The following MECOM variants were observed in gnomAD, a reference collection of about 807,000 sequenced individuals.
The protein encoded by MECOM is histone-lysine N-methyltransferase MECOM.
Under a neutral mutation model 116.3 loss-of-function variants are expected in MECOM, and 13 were observed. That is an observed-to-expected ratio of 0.11 (90% CI 0.07 to 0.18). MECOM has a LOEUF of 0.18. Ranked by LOEUF, MECOM falls within the 10% of genes least tolerant of loss-of-function variation. The pLI is 1.00. For synonymous variants in MECOM, 528 were observed against 535.2 expected, an observed-to-expected ratio of 0.99 and a Z score of 0.19; for missense variants, 1,299 against 1,509.0, an observed-to-expected ratio of 0.86 and a Z score of 2.31.
intron 1 of MECOM, among the ~76,000 whole-genome samples, chr3:169,476,617 C>T (rs1323807594): frequency 1.3e-5 from 2 of 152,060 alleles, no homozygotes; most frequent in African/African-American, 4.8e-5. Flanking sequence ...ATAGAGGTGT[C>T]GTTAGTCACC....
At chr3:169,471,883 A>G (rs1053390428) in intron 1 of MECOM, among the ~76,000 whole-genome samples, 1 of 152,156 alleles carries the variant, frequency 6.6e-6, no homozygotes, top group Non-Finnish European at 1.5e-5. Context: ...TACTTTGATG[A>G]TGTGCATTTA....
At chr3:169,658,879 G>T (rs1775864138) in intron 1 of MECOM, among the ~76,000 whole-genome samples, 3 of 152,052 alleles carry the variant, frequency 2.0e-5, no homozygotes, top group African/African-American at 7.2e-5. Flanking sequence ...GGAGAGAGGG[G>T]GCCGAGCCGG....
At chr3:169,411,229 G>GA (rs145078504) in intron 1 of MECOM, among the ~76,000 whole-genome samples, 15,652 of 150,460 alleles carry the variant, frequency 0.1, 1,083 homozygotes, top group East Asian at 0.23. Flanking sequence ...ACTATTGCCA[G>GA]AAAAAAAAAT....
chr3:169,341,353 A>G (rs1054968679), intron 2 of MECOM, among the ~76,000 whole-genome samples: 3 of 151,162 alleles, frequency 2.0e-5, no homozygotes, highest in African/African-American at 7.3e-5. Context: ...AAAACAATTG[A>G]ACTCATGGAC....
chr3:169,587,955 T>C (rs1213834633), intron 1 of MECOM, among the ~76,000 whole-genome samples: 1 of 152,214 alleles, frequency 6.6e-6, no homozygotes, highest in Non-Finnish European at 1.5e-5. Context: ...TAGCCAGAAA[T>C]ATGCATAAAC....
intron 2 of MECOM, among the ~76,000 whole-genome samples, chr3:169,363,234 A>C (rs1383439778): frequency 6.6e-6 from 1 of 151,980 alleles, no homozygotes; most frequent in Non-Finnish European, 1.5e-5. Flanking sequence ...GCTACTAAAA[A>C]ATTTCTAAAC....
At chr3:169,423,506 C>A (rs891664864) in intron 1 of MECOM, among the ~76,000 whole-genome samples, 1 of 151,984 alleles carries the variant, frequency 6.6e-6, no homozygotes, top group Admixed American at 6.6e-5. Flanking sequence ...AGATATTTAA[C>A]CTCAGTGAAC....
chr3:169,128,115 C>A, intron 4 of MECOM, 55 bp from the exon 5 acceptor site: 1 of 1,530,172 alleles, frequency 6.5e-7, no homozygotes, highest in Non-Finnish European at 9.1e-7. Flanking sequence ...CCATCACAAA[C>A]CAGCCAATCT....
chr3:169,545,447 T>C (rs1760615116), intron 1 of MECOM, among the ~76,000 whole-genome samples: 1 of 152,170 alleles, frequency 6.6e-6, no homozygotes, highest in Non-Finnish European at 1.5e-5. Context: ...GGAAAGGATA[T>C]ATGCAAGCCC....
intron 2 of MECOM, among the ~76,000 whole-genome samples, chr3:169,253,683 T>A (rs1488104): frequency 0.092 from 13,951 of 152,044 alleles, 829 homozygotes; most frequent in East Asian, 0.33. Flanking sequence ...TGCAGAACAC[T>A]TTTTTCCCCA....
At chr3:169,432,854 A>T (rs1741866875) in intron 1 of MECOM, among the ~76,000 whole-genome samples, 1 of 152,224 alleles carries the variant, frequency 6.6e-6, no homozygotes, top group Non-Finnish European at 1.5e-5. Context: ...TTCTGTGCCA[A>T]GATTCTGCTC....
intron 2 of MECOM, among the ~76,000 whole-genome samples, chr3:169,307,444 T>A (rs1717928020): frequency 6.6e-6 from 1 of 152,130 alleles, no homozygotes; most frequent in Non-Finnish European, 1.5e-5. Flanking sequence ...TGTGGTGGCA[T>A]GTGCCTGTGG....
intron 1 of MECOM, among the ~76,000 whole-genome samples, chr3:169,382,879 A>AAAAAAAAAAAAAAAAAAG (rs1358767356): frequency 8.7e-5 from 12 of 138,550 alleles, no homozygotes; most frequent in East Asian, 2.4e-4. Context: ...AAAAATAAAA[A>AAAAAAAAAAAAAAAAAAG]AAGAAGGTAA....
intron 2 of MECOM, among the ~76,000 whole-genome samples, chr3:169,299,681 T>C (rs912416104): frequency 1.3e-5 from 2 of 152,166 alleles, no homozygotes; most frequent in Non-Finnish European, 2.9e-5. Flanking sequence ...ATTCCATATA[T>C]ATCAGCACAC....
chr3:169,459,339 C>T (rs1399917968), intron 1 of MECOM, among the ~76,000 whole-genome samples: 1 of 152,186 alleles, frequency 6.6e-6, no homozygotes, highest in East Asian at 1.9e-4. Context: ...ATTATTTACC[C>T]ACTCCATACA....
intron 1 of MECOM, among the ~76,000 whole-genome samples, chr3:169,468,844 G>T (rs778928274): frequency 1.3e-5 from 2 of 152,064 alleles, no homozygotes; most frequent in East Asian, 1.9e-4. Flanking sequence ...CCAACAACTC[G>T]CCTGGGAACA....
chr3:169,189,546 T>G (rs1747236389), intron 2 of MECOM, among the ~76,000 whole-genome samples: 1 of 152,056 alleles, frequency 6.6e-6, no homozygotes, highest in South Asian at 2.1e-4. Context: ...AAAAAATAAA[T>G]CTGCCATTTT....
chr3:169,182,164 G>A (rs1283292684), intron 2 of MECOM, among the ~76,000 whole-genome samples: 3 of 152,160 alleles, frequency 2.0e-5, no homozygotes, highest in Admixed American at 6.5e-5. Context: ...GTTGAAAGGC[G>A]TTTGGCAGGG....
chr3:169,643,268 T>A (rs16854285), intron 1 of MECOM, among the ~76,000 whole-genome samples: 4 of 152,196 alleles, frequency 2.6e-5, no homozygotes, highest in African/African-American at 9.7e-5. Flanking sequence ...TTAAATTACA[T>A]CAGTCATCAA....
Sources: gnomAD v4.1 joint callset for allele counts (sites outside exome capture counted in the v4.1 genomes callset) on GRCh38, gnomAD v4.1.1 for gene constraint, MANE v1.5 for transcripts, NCBI Gene and HGNC (gene_info 2026-07-23, HGNC 2026-07-21) for gene names.